The following CD3E variants were observed in gnomAD, a reference collection of about 807,000 sequenced individuals.
CD3E encodes T-cell surface glycoprotein CD3 epsilon chain.
In CD3E, 16 loss-of-function variants were observed where a neutral mutation model predicts 34.7. The observed-to-expected ratio is 0.46, with a 90% CI of 0.31 to 0.70. CD3E has a LOEUF of 0.70. CD3E is among the 30% of genes least tolerant of loss of function. The pLI, the probability that CD3E is intolerant of heterozygous loss-of-function variation, is 0.05. For synonymous variants in CD3E, 70 were observed against 90.8 expected (o/e 0.77, Z 1.30); for missense variants, 223 against 253.9 (o/e 0.88, Z 0.83).
Position 118,313,772 on chromosome 11 carries a change from A to G in CD3E, c.418A>G (p.Ile140Val). The change falls in exon 7 of 9, where the codon ATC becomes GTC. Residue 140 changes from isoleucine to valine, a missense_variant. Transcript: ENST00000361763. The part of the protein sequence containing the change: ...VATIVIVDIC[I>V]TGGLLLLVYY... ...CACAATTGTCATAGTGGACATCTGC[A>G]TCACTGGGGGCTTGCTGCTGCTGGT... is the stretch of plus-strand genomic sequence containing the variant. 6.2e-7 allele frequency: 1 copy of G among 1,614,142 alleles called. No homozygotes were observed. Among genetic ancestry groups the G allele is most frequent in the Non-Finnish European group, 8.5e-7 (1 of 1,180,036 alleles).
chr11:118,311,418 C>T (rs928671455), intron 4 of CD3E, among the ~76,000 whole-genome samples: 1 of 152,212 alleles, frequency 6.6e-6, no homozygotes, highest in Admixed American at 6.5e-5. Context: ...TTTCAGTTGT[C>T]CACACTAATA....
In CD3E at chr11:118,312,686, C is replaced by T; in HGVS notation, c.172C>T (p.Leu58=). The T allele has an allele frequency of 1.2e-6, 2 of 1,614,098 alleles. No homozygotes were observed. The highest frequency in any genetic ancestry group is 1.7e-6 in the Non-Finnish European group (2 of 1,179,976). The change falls in exon 6 of 9, where the codon CTA becomes TTA. Residue 58 remains leucine, a synonymous_variant. Coordinates refer to ENST00000361763, the MANE Select transcript of CD3E (RefSeq NM_000733.4). ...TCPQYPGSEI[L]WQHNDKNIGG... ...CCCTCAGTATCCTGGATCTGAAATA[C>T]TATGGCAACACAATGATAAAAACAT...
chr11:118,315,449 C>T (rs199737067), intron 8 of CD3E, 37 bp from the exon 9 acceptor site: 14 of 1,588,532 alleles, frequency 8.8e-6, no homozygotes, highest in Admixed American at 3.4e-5. Context: ...TACTTCCTCC[C>T]GCACCACTGA....
rs1264464565 is a variant in CD3E, at chr11:118,304,753, C to T, written c.-83C>T. The T allele has an allele frequency of 7.8e-6, 5 of 644,222 alleles. No individual in the cohort carries two copies. The highest frequency in any genetic ancestry group is 3.6e-5 in the African/African-American group (2 of 55,600). 39.9% of individuals were successfully genotyped at this position (644,222 alleles called of 1,614,324 possible). A position where few individuals can be genotyped will look rare whatever the true frequency, so the allele number is the denominator to read the frequency against. ...TCAGAAACCCTCCTCCCCTCCCAGC[C>T]TCAGGTGCCTGCTTCAGAAAATGGT... On this transcript the variant is annotated 5_prime_UTR_variant, in exon 1 of 9. Coordinates refer to ENST00000361763, the MANE Select transcript of CD3E (RefSeq NM_000733.4).
At chr11:118,310,470 G>A (rs990575540) in intron 4 of CD3E, among the ~76,000 whole-genome samples, 3 of 152,104 alleles carry the variant, frequency 2.0e-5, no homozygotes, top group Non-Finnish European at 2.9e-5. Flanking sequence ...CTTTTTTATG[G>A]CTGCGTAGTA....
intron 5 of CD3E, 133 bp from the exon 6 acceptor site, chr11:118,312,485 C>A: frequency 2.9e-6 from 3 of 1,039,714 alleles, no homozygotes; most frequent in Non-Finnish European, 3.0e-6. Flanking sequence ...GCCAGTAGAG[C>A]TCCCTTCTGA....
intron 4 of CD3E, among the ~76,000 whole-genome samples, chr11:118,310,157 T>C (rs1565510750): frequency 1.3e-5 from 2 of 152,238 alleles, no homozygotes; most frequent in Admixed American, 1.3e-4. Context: ...CAGGGGTACA[T>C]GTGCAGGTTT....
At chr11:118,314,373 GT>G (rs2134768591) in intron 7 of CD3E, 74 bp from the exon 8 acceptor site, 1 of 1,241,192 alleles carries the variant, frequency 8.1e-7, no homozygotes, top group African/African-American at 1.5e-5. Context: ...CTCTATCTGG[GT>G]CTCACTGGCA....
At chr11:118,310,780 A>G (rs2134764863) in intron 4 of CD3E, among the ~76,000 whole-genome samples, 1 of 152,356 alleles carries the variant, frequency 6.6e-6, no homozygotes, top group South Asian at 2.1e-4. Flanking sequence ...TAACATGTCT[A>G]AGAAACATCC....
At chr11:118,312,554 C>G (rs989773545) in intron 5 of CD3E, 64 bp from the exon 6 acceptor site, 34 of 1,597,836 alleles carry the variant, frequency 2.1e-5, no homozygotes, top group Non-Finnish European at 2.7e-5. Context: ...GTTCTTTTGT[C>G]ACTAATTTGC....
At chr11:118,309,267 A>G (rs1168982837) in intron 4 of CD3E, among the ~76,000 whole-genome samples, 1 of 152,188 alleles carries the variant, frequency 6.6e-6, no homozygotes, top group East Asian at 1.9e-4. Context: ...CACTTAGAAC[A>G]TTATCTGACA....
In CD3E at chr11:118,307,795, G is replaced by T. The variant is rs188705022; in HGVS notation, c.70+487G>T. 1.4e-3 allele frequency among the ~76,000 whole-genome samples: 213 copies of T among 152,272 alleles called. 2 individuals carry two copies. Among genetic ancestry groups the T allele is most frequent in the African/African-American group, 4.9e-3 (204 of 41,532 alleles). ...TGAACTTACTCTCTCAACCACAGCG[G>T]TAGAGTCAGGAGTGTTCCAACATTG... is the stretch of plus-strand genomic sequence containing the variant. On this transcript the variant is annotated intron_variant, in intron 3 of 8. Transcript: ENST00000361763.
intron 4 of CD3E, among the ~76,000 whole-genome samples, chr11:118,309,738 C>A (rs1342544167): frequency 6.6e-6 from 1 of 152,206 alleles, no homozygotes; most frequent in Non-Finnish European, 1.5e-5. Context: ...TCTTCCAACA[C>A]CCCTACTGTA....
At chr11:118,313,328 G>A in intron 6 of CD3E, 2 of 371,428 alleles carry the variant, frequency 5.4e-6, no homozygotes, top group Non-Finnish European at 5.1e-6. Flanking sequence ...AGCACTGTCT[G>A]TACCCAACAC....
chr11:118,308,576 G>A (rs546498632), intron 4 of CD3E, 135 bp downstream of exon 4: 335 of 699,328 alleles, frequency 4.8e-4, no homozygotes, highest in Admixed American at 8.1e-4. Context: ...AATGGGATCC[G>A]TATGAAACTT....
intron 2 of CD3E, among the ~76,000 whole-genome samples, chr11:118,305,534 CAT>C (rs1196251024): frequency 6.6e-6 from 1 of 152,148 alleles, no homozygotes; most frequent in Non-Finnish European, 1.5e-5. Flanking sequence ...TTCTGTATCT[CAT>C]ATGAGATAAA....
Position 118,315,490 on chromosome 11 carries a change from T to A in CD3E, c.572T>A (p.Ile191Asn). ...CCCTCTCTATTTCACCCCCAGCCCATCCGGAAAGGCCAGCGGGACCTGTAT... is the reference window on the plus strand; with the variant it reads ...CCCTCTCTATTTCACCCCCAGCCCAACCGGAAAGGCCAGCGGGACCTGTAT... ...PPVPNPDYEPIRKGQRDLYSG... is the reference protein window; with the variant it reads ...PPVPNPDYEPNRKGQRDLYSG... Residue 191 changes from isoleucine to asparagine, a missense_variant, in exon 9 of 9, where the codon ATC becomes AAC. Ile to Asn is a moderately radical substitution (Grantham distance 149, BLOSUM62 -3). Coordinates refer to ENST00000361763, the MANE Select transcript of CD3E (RefSeq NM_000733.4). 2 of 1,612,882 alleles carry A rather than the reference T, an allele frequency of 1.2e-6. No individual in the cohort carries two copies. The highest frequency in any genetic ancestry group is 1.7e-6 in the Non-Finnish European group (2 of 1,179,580).
chr11:118,309,576 AAAAC>A (rs56791413), intron 4 of CD3E, among the ~76,000 whole-genome samples: 13 of 151,402 alleles, frequency 8.6e-5, no homozygotes, highest in South Asian at 2.1e-4. Flanking sequence ...ACTCTGTCTC[AAAAC>A]AAACAAACAA....
intron 7 of CD3E, 130 bp downstream of exon 7, chr11:118,314,004 C>CAGA: frequency 1.1e-6 from 1 of 870,570 alleles, no homozygotes; most frequent in Non-Finnish European, 1.9e-6. Context: ...GCTTCTATTA[C>CAGA]TGTGATGACA....
Sources: gnomAD v4.1 joint callset for allele counts (sites outside exome capture counted in the v4.1 genomes callset) on GRCh38, gnomAD v4.1.1 for gene constraint, MANE v1.5 for transcripts, NCBI Gene and HGNC (gene_info 2026-07-23, HGNC 2026-07-21) for gene names.